MACC1: variants seen among roughly 807,000 people sequenced by gnomAD.
MACC1 encodes metastasis-associated in colon cancer protein 1.
MACC1 carries 79 observed loss-of-function variants against 70.7 expected under a neutral mutation model. The ratio of observed to expected loss-of-function variants is 1.12; its 90% CI spans 0.93 to 1.35. The LOEUF is 1.35. MACC1 is among the 40% of genes most tolerant of loss of function. MACC1 has a pLI of 0.00. For synonymous variants in MACC1, 361 were observed against 347.2 expected (o/e 1.04, Z -0.44); for missense variants, 1,106 against 978.1 (o/e 1.13, Z -1.74).
At chr7:20,146,296 T>G (rs1781890718) in intron 6 of MACC1, among the ~76,000 whole-genome samples, 1 of 152,148 alleles carries the variant, frequency 6.6e-6, no homozygotes, top group Non-Finnish European at 1.5e-5. Flanking sequence ...TGGACACAAG[T>G]TCTAAAGGTA....
At chr7:20,156,575 G>A (rs941169259) in intron 5 of MACC1, among the ~76,000 whole-genome samples, 4 of 152,202 alleles carry the variant, frequency 2.6e-5, no homozygotes, top group Admixed American at 6.5e-5. Flanking sequence ...AAATGCACAC[G>A]CAGCTTCCAC....
chr7:20,188,511 A>G (rs576818305), intron 1 of MACC1, among the ~76,000 whole-genome samples: 1 of 152,176 alleles, frequency 6.6e-6, no homozygotes, highest in Admixed American at 6.5e-5. Context: ...TGCTTTTTAC[A>G]TCTTTAAAGA....
At chr7:20,179,169 G>A (rs1205669005) in intron 1 of MACC1, among the ~76,000 whole-genome samples, 1 of 151,714 alleles carries the variant, frequency 6.6e-6, no homozygotes, top group Non-Finnish European at 1.5e-5. Flanking sequence ...GACTACATTT[G>A]TCAATGCTAA....
chr7:20,154,176 A>C lies in MACC1; in HGVS notation c.2346+17T>G, dbSNP rs1278243990. 8 of 1,613,158 alleles carry C rather than the reference A, an allele frequency of 5.0e-6. No homozygotes were observed. The highest frequency in any genetic ancestry group is 6.8e-6 in the Non-Finnish European group (8 of 1,179,416). On this transcript the variant is annotated intron_variant, in intron 6 of 6. Coordinates refer to ENST00000400331, the MANE Select transcript of MACC1 (RefSeq NM_182762.4). ...CTGCAACTTTTCACTATTGAATTAC[A>C]CAAACAGAAGTCTTACCTCAACAGC...
At chr7:20,143,001 A>G (rs898997591) in intron 6 of MACC1, among the ~76,000 whole-genome samples, 4 of 152,254 alleles carry the variant, frequency 2.6e-5, no homozygotes, top group African/African-American at 4.8e-5. Context: ...GGGATGGCAT[A>G]GTAGATTAGT....
intron 6 of MACC1, among the ~76,000 whole-genome samples, chr7:20,150,855 T>G (rs1781965261): frequency 6.6e-6 from 1 of 152,112 alleles, no homozygotes; most frequent in Non-Finnish European, 1.5e-5. Context: ...GAGACCAGCC[T>G]GGCCAACATG....
chr7:20,212,497 G>A (rs1783013252), intron 1 of MACC1, among the ~76,000 whole-genome samples: 1 of 152,098 alleles, frequency 6.6e-6, no homozygotes, highest in African/African-American at 2.4e-5. Flanking sequence ...CCATCCCTGA[G>A]TACCTGAAGA....
chr7:20,193,595 G>A (rs1338982237), intron 1 of MACC1, among the ~76,000 whole-genome samples: 2 of 152,034 alleles, frequency 1.3e-5, no homozygotes, highest in African/African-American at 2.4e-5. Flanking sequence ...CAGCTTCTAC[G>A]ATCTTATAAG....
Position 20,158,688 on chromosome 7 carries a change from T to G in MACC1, c.1673A>C (p.Lys558Thr). ...AATCTTGCTTTGTCTTAGCACTGCC[T>G]TCAGGGTTACCCCATAGTTGCTAAA... ...LNFSNYGVTLKAVLRQSKIDY... is the reference protein window; with the variant it reads ...LNFSNYGVTLTAVLRQSKIDY... The change falls in exon 5 of 7, where the codon AAG (lysine) becomes ACG (threonine). Residue 558 changes from lysine to threonine, a missense_variant. Lys to Thr is a moderately conservative substitution (Grantham distance 78). Coordinates refer to ENST00000400331, the MANE Select transcript of MACC1 (RefSeq NM_182762.4). 6.2e-7 allele frequency: 1 copy of G among 1,613,932 alleles called. No homozygotes were observed. The highest frequency in any genetic ancestry group is 2.2e-5 in the East Asian group (1 of 44,874).
intron 1 of MACC1, among the ~76,000 whole-genome samples, chr7:20,194,703 G>A (rs1286448162): frequency 6.6e-6 from 1 of 152,126 alleles, no homozygotes; most frequent in Non-Finnish European, 1.5e-5. Context: ...ACTACGTCTT[G>A]GTAATGAGAA....
chr7:20,135,427 C>T lies in MACC1; in HGVS notation c.*5519G>A, dbSNP rs1781706762. 6.6e-6 allele frequency: 1 copy of T among 152,166 alleles called. No individual in the cohort carries two copies. The highest frequency in any genetic ancestry group is 6.5e-5 in the Admixed American group (1 of 15,278). 9.4% of individuals were successfully genotyped at this position (152,166 alleles called of 1,614,324 possible). On this transcript the variant is annotated 3_prime_UTR_variant, in exon 7 of 7. Coordinates refer to ENST00000400331, the MANE Select transcript of MACC1 (RefSeq NM_182762.4). ...TTTCTCCAACAGAATTAAGTGAAATCTCATTTATCTTAAAGCAAATTAGAG... is the reference window on the plus strand; with the variant it reads ...TTTCTCCAACAGAATTAAGTGAAATTTCATTTATCTTAAAGCAAATTAGAG...
At chr7:20,152,729 C>T (rs532986048) in intron 6 of MACC1, among the ~76,000 whole-genome samples, 7 of 152,136 alleles carry the variant, frequency 4.6e-5, no homozygotes, top group Non-Finnish European at 8.8e-5. Flanking sequence ...TGCTGGCCTC[C>T]ATCAAGATTT....
intron 1 of MACC1, among the ~76,000 whole-genome samples, chr7:20,194,379 G>A (rs1196972803): frequency 6.6e-6 from 1 of 152,144 alleles, no homozygotes; most frequent in Non-Finnish European, 1.5e-5. Flanking sequence ...TAGAAAACAT[G>A]ACCACAAAGG....
At chr7:20,187,066 G>T (rs939450229) in intron 1 of MACC1, among the ~76,000 whole-genome samples, 2 of 152,116 alleles carry the variant, frequency 1.3e-5, no homozygotes, top group Non-Finnish European at 2.9e-5. Flanking sequence ...ATTTACAGTG[G>T]ACTTATTGGG....
chr7:20,147,916 A>C (rs1167694923), intron 6 of MACC1, among the ~76,000 whole-genome samples: 1 of 152,214 alleles, frequency 6.6e-6, no homozygotes, highest in Non-Finnish European at 1.5e-5. Flanking sequence ...CCTCCTCATC[A>C]TCACTGCCAC....
intron 1 of MACC1, among the ~76,000 whole-genome samples, chr7:20,182,980 T>G (rs909553370): frequency 1.3e-5 from 2 of 152,228 alleles, no homozygotes; most frequent in African/African-American, 4.8e-5. Flanking sequence ...TAATTGAATT[T>G]GACGAGTGGG....
chr7:20,169,143 A>T (rs1370754020), intron 2 of MACC1, among the ~76,000 whole-genome samples: 1 of 152,220 alleles, frequency 6.6e-6, no homozygotes, highest in Non-Finnish European at 1.5e-5. Flanking sequence ...TGTGAAAAAC[A>T]TTTAATGACT....
chr7:20,213,858 TAA>T (rs1258018485), intron 1 of MACC1, among the ~76,000 whole-genome samples: 3 of 152,192 alleles, frequency 2.0e-5, no homozygotes, highest in Non-Finnish European at 1.5e-5. Context: ...CCCCATGACA[TAA>T]GTTTACCTAT....
At position 20,154,338 on chromosome 7, in the gene MACC1, A is replaced by G. The variant is rs1007921721; in HGVS notation, c.2201T>C (p.Ile734Thr). The change falls in exon 6 of 7, where the codon ATC (isoleucine) becomes ACC (threonine). Residue 734 changes from isoleucine to threonine, a missense_variant. Ile to Thr is a moderately conservative substitution (Grantham distance 89). Coordinates refer to ENST00000400331, the MANE Select transcript of MACC1 (RefSeq NM_182762.4). ...MDCQELVARL[I>T]QEAAVLTSAV... The stretch of plus-strand genomic sequence containing the variant: ...TGAAGTCAGAACAGCAGCTTCTTGG[A>G]TGAGACGTGCGACTAACTCTTGGCA... 6.2e-7 allele frequency: 1 copy of G among 1,613,742 alleles called. No individual in the cohort carries two copies. The highest frequency in any genetic ancestry group is 1.3e-5 in the African/African-American group (1 of 74,892).
Sources: gnomAD v4.1 joint callset for allele counts (sites outside exome capture counted in the v4.1 genomes callset) on GRCh38, gnomAD v4.1.1 for gene constraint, MANE v1.5 for transcripts, NCBI Gene and HGNC (gene_info 2026-07-23, HGNC 2026-07-21) for gene names.